PARG: variants seen among roughly 807,000 people sequenced by gnomAD.
PARG encodes mitochondrial poly(ADP-ribose) glycohydrolase.
Under a neutral mutation model 113.0 loss-of-function variants are expected in PARG, and 35 were observed. The ratio of observed to expected loss-of-function variants is 0.31; its 90% CI spans 0.24 to 0.41. The LOEUF is 0.41. Among genes scored for constraint, PARG ranks in the 10% least tolerant of loss-of-function variants. The pLI is 1.00. For synonymous variants in PARG, 330 were observed against 409.9 expected (o/e 0.81, Z 2.36); for missense variants, 797 against 1,169.4 (o/e 0.68, Z 4.64).
rs578221155 is a variant in PARG at position 49,820,450 on chromosome 10, G to A, written c.2648-157C>T. On this transcript the variant is annotated intron_variant, in intron 16 of 17. Coordinates refer to ENST00000616448, the MANE Select transcript of PARG (RefSeq NM_003631.5). Reference sequence around the variant, plus strand: ...AAATGGGGAACACAAGGCTGGGCGCGGTGCCTCACACCTGTAATCCCAGCA... The same window carrying A: ...AAATGGGGAACACAAGGCTGGGCGCAGTGCCTCACACCTGTAATCCCAGCA... Among the ~76,000 whole-genome samples the A allele has an allele frequency of 4.9e-4, 74 of 152,066 alleles. 1 individual carries two copies. The Middle Eastern group carries it at 0.014, about 28-fold the overall frequency.
At chr10:49,841,564 T>C (rs1285848087) in intron 15 of PARG, among the ~76,000 whole-genome samples, 1 of 152,244 alleles carries the variant, frequency 6.6e-6, no homozygotes, top group African/African-American at 2.4e-5. Context: ...TTTGGCTTTT[T>C]CAGTTTTTCT....
chr10:49,932,066 T>C, intron 4 of PARG, 34 bp downstream of exon 4: 2 of 1,194,160 alleles, frequency 1.7e-6, no homozygotes, highest in Non-Finnish European at 2.5e-6. Context: ...GGACTTCCAG[T>C]CTTCTCTCAT....
chr10:49,934,356 G>A (rs1281294725), intron 2 of PARG, among the ~76,000 whole-genome samples, 193 bp from the exon 3 acceptor site: 3 of 151,938 alleles, frequency 2.0e-5, no homozygotes, highest in South Asian at 2.1e-4. Flanking sequence ...GCAAACACCC[G>A]CCTTTCCTTC....
intron 7 of PARG, among the ~76,000 whole-genome samples, chr10:49,895,215 G>C (rs1848017927): frequency 6.6e-6 from 1 of 152,080 alleles, no homozygotes; most frequent in South Asian, 2.1e-4. Flanking sequence ...ATACTGTCTT[G>C]TTTACTGTAG....
At chr10:49,855,118 T>C (rs1554834818) in intron 13 of PARG, among the ~76,000 whole-genome samples, 1 of 149,200 alleles carries the variant, frequency 6.7e-6, no homozygotes, top group African/African-American at 2.5e-5. Context: ...AACTAAAGTA[T>C]AAGAATGATG....
chr10:49,931,786 T>G (rs1554909821), intron 4 of PARG, among the ~76,000 whole-genome samples: 25,631 of 150,354 alleles, frequency 0.17, 582 homozygotes, highest in Non-Finnish European at 0.24. Flanking sequence ...AATGCAGGAT[T>G]CTGCAGTCAG....
chr10:49,890,543 T>C (rs1370112872), intron 7 of PARG, among the ~76,000 whole-genome samples: 1 of 152,170 alleles, frequency 6.6e-6, no homozygotes, highest in Non-Finnish European at 1.5e-5. Flanking sequence ...ATGAATCTCA[T>C]GGCACAAAGC....
chr10:49,841,422 GAAC>G (rs1845231660), intron 15 of PARG, among the ~76,000 whole-genome samples: 2 of 151,896 alleles, frequency 1.3e-5, no homozygotes, highest in African/African-American at 2.4e-5. Context: ...CTGAAAATTT[GAAC>G]AACAGGTATG....
chr10:49,911,915 C>T (rs1371471517), intron 7 of PARG, among the ~76,000 whole-genome samples: 4 of 152,134 alleles, frequency 2.6e-5, no homozygotes, highest in Non-Finnish European at 4.4e-5. Flanking sequence ...AACGTAACTG[C>T]AAAATATTAA....
chr10:49,927,966 T>TAAA (rs76592852), intron 4 of PARG, among the ~76,000 whole-genome samples: 2 of 128,978 alleles, frequency 1.6e-5, no homozygotes, highest in Non-Finnish European at 3.4e-5. Context: ...CCTGTCTCTT[T>TAAA]AAAAAAAAAA....
intron 4 of PARG, among the ~76,000 whole-genome samples, chr10:49,931,692 G>GA (rs1838486641): frequency 1.6e-5 from 1 of 63,208 alleles, no homozygotes; most frequent in African/African-American, 6.6e-5. Context: ...CTGGTCTCCA[G>GA]CAAAAAAAAA....
At chr10:49,857,714 C>T (rs1846062143) in intron 12 of PARG, among the ~76,000 whole-genome samples, 1 of 151,888 alleles carries the variant, frequency 6.6e-6, no homozygotes, top group African/African-American at 2.4e-5. Context: ...TATTATGTAT[C>T]ATACAGACTC....
At chr10:49,898,338 A>G (rs1421454153) in intron 7 of PARG, among the ~76,000 whole-genome samples, 6 of 151,816 alleles carry the variant, frequency 4.0e-5, no homozygotes, top group Non-Finnish European at 8.8e-5. Flanking sequence ...GATCACCCCC[A>G]TATCAATTAA....
intron 16 of PARG, among the ~76,000 whole-genome samples, chr10:49,827,753 T>TA (rs1341450975): frequency 6.6e-6 from 1 of 151,640 alleles, no homozygotes; most frequent in Non-Finnish European, 1.5e-5. Context: ...GAGTCTGACC[T>TA]AAAAGGTATG....
At position 49,926,940 on chromosome 10, in the gene PARG, G is replaced by A. The variant is rs1589003083; in HGVS notation, c.1456-4271C>T. Among the ~76,000 whole-genome samples the A allele has an allele frequency of 1.3e-5, 2 of 152,114 alleles. 1 individual carries two copies. The highest frequency in any genetic ancestry group is 4.1e-4 in the South Asian group (2 of 4,832). ...CACCCCTACTTCTCTTGCTACAGAC[G>A]TCAGTGTCGGTGTTTGGCTTTACTG... On this transcript the variant is annotated intron_variant, in intron 4 of 17. Transcript: ENST00000616448.
chr10:49,869,649 G>T, intron 9 of PARG, 94 bp from the exon 10 acceptor site: 1 of 633,982 alleles, frequency 1.6e-6, no homozygotes, highest in Non-Finnish European at 2.9e-6. Flanking sequence ...GTAATACAAA[G>T]AAATAATTCT....
At chr10:49,856,480 A>G (rs1845995274) in intron 13 of PARG, among the ~76,000 whole-genome samples, 1 of 152,210 alleles carries the variant, frequency 6.6e-6, no homozygotes, top group Non-Finnish European at 1.5e-5. Context: ...GCGCCTGGCC[A>G]TGATAACTGA....
chr10:49,852,807 C>T (rs1409163738), intron 13 of PARG, among the ~76,000 whole-genome samples: 3 of 150,388 alleles, frequency 2.0e-5, no homozygotes, highest in Non-Finnish European at 4.4e-5. Flanking sequence ...CTTGTGATGC[C>T]CCCTGCCTCG....
At chr10:49,891,768 T>A (rs1588951085) in intron 7 of PARG, among the ~76,000 whole-genome samples, 2 of 150,646 alleles carry the variant, frequency 1.3e-5, no homozygotes, top group South Asian at 4.2e-4. Flanking sequence ...TAGATGAGAC[T>A]ACAGGCACAC....
Sources: gnomAD v4.1 joint callset for allele counts (sites outside exome capture counted in the v4.1 genomes callset) on GRCh38, gnomAD v4.1.1 for gene constraint, MANE v1.5 for transcripts, NCBI Gene and HGNC (gene_info 2026-07-23, HGNC 2026-07-21) for gene names.